The following PCCA variants were observed in gnomAD, a reference collection of about 807,000 sequenced individuals.
PCCA encodes the protein propionyl-CoA carboxylase subunit alpha.
PCCA carries 74 observed loss-of-function variants against 101.3 expected under a neutral mutation model. The ratio of observed to expected loss-of-function variants is 0.73; its 90% CI spans 0.61 to 0.89. The LOEUF is 0.89. Ranked by LOEUF, PCCA falls within the 40% of genes least tolerant of loss-of-function variation. PCCA has a pLI of 0.00. For synonymous variants in PCCA, 294 were observed against 313.6 expected (o/e 0.94, Z 0.66); for missense variants, 891 against 907.0 (o/e 0.98, Z 0.23).
intron 21 of PCCA, among the ~76,000 whole-genome samples, chr13:100,451,281 C>T (rs1209046024): frequency 1.3e-5 from 2 of 152,122 alleles, no homozygotes; most frequent in East Asian, 1.9e-4. Flanking sequence ...ACCATGGCCT[C>T]GTCAGGTTGA....
intron 19 of PCCA, among the ~76,000 whole-genome samples, chr13:100,403,723 G>A (rs939280478): frequency 6.6e-6 from 1 of 151,844 alleles, no homozygotes; most frequent in African/African-American, 2.4e-5. Flanking sequence ...TGGGTGAAAA[G>A]GAAAAAAAAC....
intron 12 of PCCA, among the ~76,000 whole-genome samples, chr13:100,286,101 C>T (rs1446724738): frequency 6.6e-6 from 1 of 152,160 alleles, no homozygotes; most frequent in East Asian, 1.9e-4. Context: ...GGAAGCAGGC[C>T]ATTAACTACG....
rs373573346 is a variant in PCCA at position 100,528,515 on chromosome 13, A to G, written c.2118+763A>G. On this transcript the variant is annotated intron_variant, in intron 23 of 23. Coordinates refer to ENST00000376285, the MANE Select transcript of PCCA (RefSeq NM_000282.4). ...TCCATCAGTTCATAACCAGGTTTGC[A>G]TCAGAGAGACACACAACCTCTGTCT... is the stretch of plus-strand genomic sequence containing the variant. 1.4e-3 allele frequency among the ~76,000 whole-genome samples: 220 copies of G among 152,370 alleles called. 7 individuals are homozygous for G. The South Asian group carries it at 0.041, about 29-fold the overall frequency.
chr13:100,462,219 G>A (rs946679289), intron 21 of PCCA, among the ~76,000 whole-genome samples: 1 of 152,134 alleles, frequency 6.6e-6, no homozygotes, highest in African/African-American at 2.4e-5. Context: ...TGTGTTCTGT[G>A]TGCCATGTAA....
At chr13:100,219,929 G>A (rs2059718164) in intron 7 of PCCA, among the ~76,000 whole-genome samples, 1 of 152,094 alleles carries the variant, frequency 6.6e-6, no homozygotes, top group African/African-American at 2.4e-5. Context: ...GTCTTATACT[G>A]CCTTTGTTTT....
At chr13:100,283,988 C>A (rs566489919) in intron 12 of PCCA, among the ~76,000 whole-genome samples, 2 of 152,150 alleles carry the variant, frequency 1.3e-5, no homozygotes, top group African/African-American at 4.8e-5. Flanking sequence ...TGAGGGTGCC[C>A]GGGGCAAGCG....
intron 21 of PCCA, among the ~76,000 whole-genome samples, chr13:100,472,673 T>TG (rs2083108378): frequency 6.6e-6 from 1 of 152,018 alleles, no homozygotes; most frequent in East Asian, 1.9e-4. Flanking sequence ...TGGTGGGCTT[T>TG]GGGGTGGTCT....
intron 21 of PCCA, among the ~76,000 whole-genome samples, chr13:100,451,870 TCTC>T (rs2081295328): frequency 1.6e-5 from 2 of 128,618 alleles, no homozygotes; most frequent in African/African-American, 5.9e-5. Flanking sequence ...CTCTCCTCTC[TCTC>T]CTCTTCCTCT....
intron 6 of PCCA, among the ~76,000 whole-genome samples, chr13:100,180,735 C>T (rs755330797): frequency 2.0e-5 from 3 of 152,302 alleles, no homozygotes; most frequent in Admixed American, 6.5e-5. Flanking sequence ...GGTGAGGTTA[C>T]GTTGCACAAA....
chr13:100,478,390 T>TC (rs2083596238), intron 21 of PCCA, among the ~76,000 whole-genome samples: 1 of 152,138 alleles, frequency 6.6e-6, no homozygotes, highest in African/African-American at 2.4e-5. Context: ...GAGTGTCCTT[T>TC]CCCTCCCACT....
rs4772289 is a variant in PCCA, at chr13:100,461,839, C to T, written c.1899+12534C>T. On this transcript the variant is annotated intron_variant, in intron 21 of 23. Transcript: ENST00000376285. Reference sequence around the variant, plus strand: ...CCTGCCTACCCAAGCTGCATTGGTCCCCACTTTCTCTGGAGGGGAAAAGAG... The same window carrying T: ...CCTGCCTACCCAAGCTGCATTGGTCTCCACTTTCTCTGGAGGGGAAAAGAG... Among the ~76,000 whole-genome samples the T allele has an allele frequency of 8.1e-3, 1,239 of 152,294 alleles. 58 individuals carry two copies. The highest frequency in any genetic ancestry group is 0.061 in the Admixed American group (932 of 15,296).
intron 6 of PCCA, among the ~76,000 whole-genome samples, chr13:100,204,095 T>A (rs1422533075): frequency 6.6e-6 from 1 of 151,978 alleles, no homozygotes; most frequent in Non-Finnish European, 1.5e-5. Flanking sequence ...AAAACCACAA[T>A]CTGGATCTTT....
intron 22 of PCCA, among the ~76,000 whole-genome samples, chr13:100,519,461 G>A (rs922375924): frequency 5.3e-5 from 8 of 152,262 alleles, no homozygotes; most frequent in African/African-American, 1.2e-4. Context: ...CCTTAAAGGC[G>A]AGAAACAGCC....
At chr13:100,145,761 C>G (rs1442237531) in intron 4 of PCCA, among the ~76,000 whole-genome samples, 2 of 150,998 alleles carry the variant, frequency 1.3e-5, no homozygotes, top group Non-Finnish European at 2.9e-5. Context: ...ACTCAGGAGG[C>G]TGAGGCAGGA....
chr13:100,427,825 C>G (rs1194437174), intron 20 of PCCA, among the ~76,000 whole-genome samples: 2 of 151,740 alleles, frequency 1.3e-5, no homozygotes, highest in Admixed American at 6.6e-5. Context: ...TCGACTCTTT[C>G]CAAAAATGTA....
At chr13:100,509,810 T>TG in intron 21 of PCCA, among the ~76,000 whole-genome samples, 1 of 142,390 alleles carries the variant, frequency 7.0e-6, no homozygotes, top group Non-Finnish European at 1.6e-5. Flanking sequence ...TGGTGTGGGT[T>TG]TTTTGTTTTG....
Position 100,502,000 on chromosome 13 carries a change from A to T in PCCA, c.1900-13427A>T, listed in dbSNP as rs116434915. The stretch of plus-strand genomic sequence containing the variant: ...AAGTTTTGATGCTTTGGTGATTGAG[A>T]ACTGCTGCTTATGCTGTCTTGGTGG... On this transcript the variant is annotated intron_variant, in intron 21 of 23. Coordinates refer to ENST00000376285, the MANE Select transcript of PCCA (RefSeq NM_000282.4). 7.9e-3 allele frequency among the ~76,000 whole-genome samples: 1,202 copies of T among 152,028 alleles called. 19 individuals carry two copies. Among genetic ancestry groups the T allele is most frequent in the African/African-American group, 0.027 (1,127 of 41,472 alleles).
At chr13:100,209,582 A>G in intron 7 of PCCA, 119 bp downstream of exon 7, 1 of 755,784 alleles carries the variant, frequency 1.3e-6, no homozygotes, top group Non-Finnish European at 2.4e-6. Context: ...ACACATATGC[A>G]CGCACATACA....
chr13:100,383,807 A>G (rs992140752), intron 19 of PCCA, among the ~76,000 whole-genome samples: 4 of 152,156 alleles, frequency 2.6e-5, no homozygotes, highest in Non-Finnish European at 4.4e-5. Context: ...TTTCTCCTCA[A>G]AGAAAGAATA....
Sources: gnomAD v4.1 joint callset for allele counts (sites outside exome capture counted in the v4.1 genomes callset) on GRCh38, gnomAD v4.1.1 for gene constraint, MANE v1.5 for transcripts, NCBI Gene and HGNC (gene_info 2026-07-23, HGNC 2026-07-21) for gene names.